Variants in CEP83 observed in about 807,000 individuals in gnomAD.
The protein encoded by CEP83 is centrosomal protein of 83 kDa.
Under a neutral mutation model 101.9 loss-of-function variants are expected in CEP83, and 70 were observed. The ratio of observed to expected loss-of-function variants is 0.69; its 90% CI spans 0.57 to 0.84. CEP83 has a LOEUF of 0.84. CEP83 is among the 40% of genes least tolerant of loss of function. CEP83 has a pLI of 0.00. For missense variants in CEP83, 715 were observed against 787.2 expected, an observed-to-expected ratio of 0.91 and a Z score of 1.10; for synonymous variants, 264 against 267.9, an observed-to-expected ratio of 0.99 and a Z score of 0.14.
the CEP83 span, among the ~76,000 whole-genome samples, chr12:94,272,894 T>C: frequency 1.3e-5 from 2 of 152,208 alleles, no homozygotes; most frequent in Non-Finnish European, 2.9e-5. Context: ...AGATCGCCTA[T>C]GTCCAGCCTG....
At chr12:94,270,083 A>C in the CEP83 span, among the ~76,000 whole-genome samples, 1 of 152,128 alleles carries the variant, frequency 6.6e-6, no homozygotes, top group Non-Finnish European at 1.5e-5. Context: ...TGTTAGGATC[A>C]TTATTTATAT....
intron 1 of CEP83, among the ~76,000 whole-genome samples, chr12:94,440,417 G>C (rs1284859877): frequency 6.6e-6 from 1 of 150,964 alleles, no homozygotes; most frequent in Non-Finnish European, 1.5e-5. Flanking sequence ...ACCAAATCAA[G>C]AACTCAACCC....
chr12:94,303,673 A>T, downstream of CEP83: 2 of 1,227,934 alleles, frequency 1.6e-6, no homozygotes, highest in Non-Finnish European at 2.2e-6. Flanking sequence ...GCTACATTGG[A>T]ATATTATAAA....
At chr12:94,347,143 G>T (rs2059979402) in intron 11 of CEP83, among the ~76,000 whole-genome samples, 1 of 151,100 alleles carries the variant, frequency 6.6e-6, no homozygotes, top group Non-Finnish European at 1.5e-5. Context: ...GAAAGTCATA[G>T]ATAAGGAGAA....
chr12:94,301,034 C>T, the CEP83 span: 1 of 1,613,832 alleles, frequency 6.2e-7, no homozygotes, highest in Non-Finnish European at 8.5e-7. Context: ...TGCATTTTCT[C>T]TCACAGAGCA....
At chr12:94,447,671 T>A (rs757349807) in intron 1 of CEP83, among the ~76,000 whole-genome samples, 1 of 152,070 alleles carries the variant, frequency 6.6e-6, no homozygotes, top group Non-Finnish European at 1.5e-5. Context: ...GAGTTTGTAA[T>A]ACATACAGCT....
At chr12:94,449,713 C>T (rs1309380845) in intron 1 of CEP83, among the ~76,000 whole-genome samples, 1 of 136,098 alleles carries the variant, frequency 7.3e-6, no homozygotes, top group Non-Finnish European at 1.5e-5. Context: ...TTTGAGGCTG[C>T]AGTGAGCCAA....
intron 6 of CEP83, among the ~76,000 whole-genome samples, chr12:94,399,404 T>C (rs1003238397): frequency 4.6e-5 from 7 of 152,230 alleles, no homozygotes; most frequent in Non-Finnish European, 1.0e-4. Context: ...CCTTAGTTTA[T>C]TCATTTAAAA....
chr12:94,317,942 T>C (rs999603914), intron 14 of CEP83, among the ~76,000 whole-genome samples: 3 of 152,192 alleles, frequency 2.0e-5, no homozygotes, highest in Admixed American at 2.0e-4. Context: ...TAAAAGTTTT[T>C]TTCTAGTTCC....
At chr12:94,317,966 T>C (rs756795417) in intron 14 of CEP83, among the ~76,000 whole-genome samples, 3 of 152,140 alleles carry the variant, frequency 2.0e-5, no homozygotes, top group Non-Finnish European at 2.9e-5. Context: ...AAGAATGCCA[T>C]TGGTAGTGTG....
At chr12:94,382,553 T>C (rs1200215963) in intron 6 of CEP83, among the ~76,000 whole-genome samples, 1 of 151,936 alleles carries the variant, frequency 6.6e-6, no homozygotes, top group African/African-American at 2.4e-5. Context: ...CCAATGTATT[T>C]TTTGAAATGT....
intron 11 of CEP83, among the ~76,000 whole-genome samples, chr12:94,343,824 T>C (rs1265416340): frequency 6.6e-6 from 1 of 152,196 alleles, no homozygotes; most frequent in Non-Finnish European, 1.5e-5. Flanking sequence ...TTCTCCTACC[T>C]GGAAATTAAA....
chr12:94,379,171 G>C, intron 6 of CEP83, 129 bp from the exon 7 acceptor site: 1 of 774,640 alleles, frequency 1.3e-6, no homozygotes, highest in Admixed American at 2.9e-5. Context: ...AAAGTACAAA[G>C]GAAAAAATTT....
chr12:94,386,881 A>G (rs1365510273), intron 6 of CEP83, among the ~76,000 whole-genome samples: 1 of 152,212 alleles, frequency 6.6e-6, no homozygotes, highest in African/African-American at 2.4e-5. Context: ...TTTTAAAAGT[A>G]TATATAAAGA....
At chr12:94,408,434 C>T (rs920922073) in intron 4 of CEP83, among the ~76,000 whole-genome samples, 1 of 151,958 alleles carries the variant, frequency 6.6e-6, no homozygotes, top group African/African-American at 2.4e-5. Context: ...TTCATTAGCA[C>T]AAAAAGAGTA....
intron 8 of CEP83, among the ~76,000 whole-genome samples, 168 bp downstream of exon 8, chr12:94,375,718 T>C (rs1035713510): frequency 1.3e-5 from 2 of 152,176 alleles, no homozygotes; most frequent in East Asian, 1.9e-4. Context: ...AAGAATGAAA[T>C]AGAGGCATAA....
Position 94,402,193 on chromosome 12 carries a change from T to C in CEP83, c.417+977A>G, listed in dbSNP as rs1216727156. On this transcript the variant is annotated intron_variant, in intron 5 of 16. Transcript: ENST00000397809. ...AGTAAAACTGTAACAGATTTTTACT[T>C]TTATGAAGTGGCATGAAACTCATTC... The C allele has an allele frequency of 2.0e-5, 3 of 152,174 alleles. No individual in the cohort carries two copies. In the East Asian group the frequency reaches 5.8e-4, roughly 29 times the overall value. The allele number at this position is 152,174 out of a possible 1,614,324, so 9.4% of individuals were successfully genotyped here. A position where few individuals can be genotyped will look rare whatever the true frequency, so the allele number is the denominator to read the frequency against.
In CEP83 at chr12:94,335,672, T is replaced by C; in HGVS notation, c.1344-8A>G. ...TGTTGCTGAAGTTTTAACCTAAAAA[T>C]CACAACCCAACAAAAGGCATTATTA... On this transcript the variant is annotated splice_polypyrimidine_tract_variant and splice_region_variant and intron_variant, in intron 11 of 16. Coordinates refer to ENST00000397809, the MANE Select transcript of CEP83 (RefSeq NM_016122.3). 1 of 1,556,034 alleles carries C rather than the reference T, an allele frequency of 6.4e-7. No homozygotes were observed. Among genetic ancestry groups the C allele is most frequent in the East Asian group, 2.3e-5 (1 of 43,676 alleles).
intron 11 of CEP83, among the ~76,000 whole-genome samples, chr12:94,347,049 A>AT (rs1342554641): frequency 8.1e-6 from 1 of 122,730 alleles, no homozygotes; most frequent in Non-Finnish European, 1.7e-5. Context: ...AAAAATAAAC[A>AT]AATATATATA....
Sources: gnomAD v4.1 joint callset for allele counts (sites outside exome capture counted in the v4.1 genomes callset) on GRCh38, gnomAD v4.1.1 for gene constraint, MANE v1.5 for transcripts, NCBI Gene and HGNC (gene_info 2026-07-23, HGNC 2026-07-21) for gene names.